The following NOVA2 variants were observed in gnomAD, a reference collection of about 807,000 sequenced individuals.
NOVA2 encodes RNA-binding protein Nova-2.
In NOVA2, 9 loss-of-function variants were observed where a neutral mutation model predicts 22.5. That is an observed-to-expected ratio of 0.40 (90% confidence interval 0.24 to 0.70). NOVA2 has a LOEUF of 0.70. NOVA2 is among the 30% of genes least tolerant of loss of function. The probability of loss-of-function intolerance (pLI) is 0.38; values close to 1 mark genes in which losing one functional copy is unlikely to be tolerated. For synonymous variants in NOVA2, 318 were observed against 335.2 expected (o/e 0.95, Z 0.56); for missense variants, 383 against 682.8 (o/e 0.56, Z 4.89).
intron 2 of NOVA2, 90 bp from the exon 3 acceptor site, chr19:45,954,036 C>T (rs1967966747): frequency 6.9e-7 from 1 of 1,443,018 alleles, no homozygotes; most frequent in South Asian, 1.2e-5. Context: ...AAGAGGCAAG[C>T]TGAGGTCCAG....
rs1968257877 is a variant in NOVA2 at position 45,973,251 on chromosome 19, C to T, written c.85+16G>A. 2 of 1,446,328 alleles carry T rather than the reference C, an allele frequency of 1.4e-6. No homozygotes were observed. Among genetic ancestry groups the T allele is most frequent in the South Asian group, 1.3e-5 (1 of 74,762 alleles). 89.6% of individuals were successfully genotyped at this position (1,446,328 alleles called of 1,614,324 possible). On this transcript the variant is annotated intron_variant, in intron 1 of 3. Coordinates refer to ENST00000263257, the MANE Select transcript of NOVA2 (RefSeq NM_002516.4). ...CCCTGCCCGCTCCCCCGCCCCGAGC[C>T]GCAGCCCTTTCTCACCTCCCGTGTT...
At position 45,940,058 on chromosome 19, in the gene NOVA2, C is replaced by A; in HGVS notation, c.1284G>T (p.Thr428=). 1.2e-6 allele frequency: 2 copies of A among 1,614,084 alleles called. No homozygotes were observed. Among genetic ancestry groups the A allele is most frequent in the Non-Finnish European group, 1.7e-6 (2 of 1,179,982 alleles). Residue 428 remains threonine (T), a synonymous_variant, in exon 4 of 4, where the codon ACG becomes ACT. Coordinates refer to ENST00000263257, the MANE Select transcript of NOVA2 (RefSeq NM_002516.4). The part of the protein sequence containing the change: ...VGAILGKGGK[T]LVEYQELTGA... ...CCGTCAGCTCCTGGTACTCCACCAA[C>A]GTCTTGCCCCCCTTCCCCAGGATGG...
At chr19:45,955,127 A>G (rs1967986093) in intron 2 of NOVA2, among the ~76,000 whole-genome samples, 1 of 152,208 alleles carries the variant, frequency 6.6e-6, no homozygotes, top group South Asian at 2.1e-4. Flanking sequence ...AGAATCTCAC[A>G]AAGTGGGATA....
At chr19:45,943,558 A>T (rs1029426321) in intron 3 of NOVA2, among the ~76,000 whole-genome samples, 1 of 151,808 alleles carries the variant, frequency 6.6e-6, no homozygotes, top group African/African-American at 2.4e-5. Flanking sequence ...TACAAAAAAA[A>T]AATTAAAAAC....
intron 1 of NOVA2, among the ~76,000 whole-genome samples, chr19:45,971,676 G>C (rs1040305151): frequency 6.6e-6 from 1 of 152,102 alleles, no homozygotes; most frequent in Non-Finnish European, 1.5e-5. Flanking sequence ...GCCTGGCGGA[G>C]AGGAAAGGGT....
At chr19:45,969,291 G>A (rs898786721) in intron 1 of NOVA2, among the ~76,000 whole-genome samples, 2 of 152,094 alleles carry the variant, frequency 1.3e-5, no homozygotes, top group Non-Finnish European at 2.9e-5. Flanking sequence ...GATCACCTGA[G>A]ATCAAGAATT....
intron 1 of NOVA2, among the ~76,000 whole-genome samples, chr19:45,964,071 AG>A (rs1291181822): frequency 6.6e-6 from 1 of 152,066 alleles, no homozygotes; most frequent in Non-Finnish European, 1.5e-5. Context: ...AAAGAAAGGG[AG>A]GAGTTAGGCC....
intron 2 of NOVA2, among the ~76,000 whole-genome samples, chr19:45,954,225 G>A (rs558723633): frequency 3.1e-4 from 47 of 152,330 alleles, no homozygotes; most frequent in African/African-American, 9.6e-4. Context: ...GATGCCCACA[G>A]CAGCCCTGGG....
At chr19:45,942,155 A>C (rs539980899) in intron 3 of NOVA2, among the ~76,000 whole-genome samples, 1 of 152,276 alleles carries the variant, frequency 6.6e-6, no homozygotes, top group South Asian at 2.1e-4. Flanking sequence ...CTCTGTTGTT[A>C]TGGGCTGACA....
At position 45,972,689 on chromosome 19, in the gene NOVA2, A is replaced by G. The variant is rs565630303; in HGVS notation, c.85+578T>C. ...CACACATACACACACACGCACACACATACACACCTGTCCTAGCCTCACATT... is the reference window on the plus strand; with the variant it reads ...CACACATACACACACACGCACACACGTACACACCTGTCCTAGCCTCACATT... On this transcript the variant is annotated intron_variant, in intron 1 of 3. Transcript: ENST00000263257. Among the ~76,000 whole-genome samples, 31 of 151,932 alleles carry G rather than the reference A, an allele frequency of 2.0e-4. No homozygotes were observed. The East Asian group carries it at 5.8e-3, about 29-fold the overall frequency.
Position 45,966,414 on chromosome 19 carries a change from T to C in NOVA2, c.86-5261A>G, listed in dbSNP as rs549962100. Among the ~76,000 whole-genome samples the C allele has an allele frequency of 1.1e-3, 162 of 152,300 alleles. 1 individual carries two copies. Among genetic ancestry groups the C allele is most frequent in the African/African-American group, 3.8e-3 (157 of 41,554 alleles). On this transcript the variant is annotated intron_variant, in intron 1 of 3. Transcript: ENST00000263257. ...CTTTAAATTCCTTTTAAATTTTAAA[T>C]GCATTTATTTACTTATTTATTTATT... is the stretch of plus-strand genomic sequence containing the variant.
Position 45,939,789 on chromosome 19 carries a change from A to G in NOVA2, c.*74T>C. On this transcript the variant is annotated 3_prime_UTR_variant, in exon 4 of 4. Transcript: ENST00000263257. ...AGGACTACACCAAGCTGAGGTCAGG[A>G]GTTGGGGGGGAGGAGGAGAGGGAAG... 6.4e-7 allele frequency: 1 copy of G among 1,570,474 alleles called. No homozygotes were observed. Among genetic ancestry groups the G allele is most frequent in the Middle Eastern group, 1.7e-4 (1 of 5,808 alleles).
chr19:45,952,972 G>C (rs530960287), intron 3 of NOVA2, among the ~76,000 whole-genome samples: 1 of 152,240 alleles, frequency 6.6e-6, no homozygotes, highest in Non-Finnish European at 1.5e-5. Flanking sequence ...CCCTCGCAAG[G>C]GGCCCTCCCG....
intron 3 of NOVA2, 34 bp downstream of exon 3, chr19:45,953,746 G>T: frequency 6.2e-7 from 1 of 1,613,188 alleles, no homozygotes. Context: ...AATGTCAACA[G>T]CTTTACAGCA....
chr19:45,940,667 G>A lies in NOVA2; in HGVS notation c.675C>T (p.Asn225=). Residue 225 remains asparagine (N), a synonymous_variant, in exon 4 of 4, where the codon AAC becomes AAT. Coordinates refer to ENST00000263257, the MANE Select transcript of NOVA2 (RefSeq NM_002516.4). ...GGCTGGCGTACGGAGAGCCGGTGGG[G>A]TTGGAGTTGGCCACGGGGCCTGCCA... ...ANVAGPVANS[N]PTGSPYASPA... The A allele has an allele frequency of 6.3e-7, 1 of 1,593,626 alleles. No homozygotes were observed. The highest frequency in any genetic ancestry group is 8.5e-7 in the Non-Finnish European group (1 of 1,172,158).
intron 1 of NOVA2, chr19:45,968,061 C>T (rs1968188944): frequency 6.6e-6 from 1 of 152,084 alleles, no homozygotes; most frequent in Non-Finnish European, 1.5e-5. Context: ...TCAGAGAGTT[C>T]ACCCTCTAAG....
chr19:45,971,320 GT>G (rs373955274), intron 1 of NOVA2, among the ~76,000 whole-genome samples: 1 of 152,242 alleles, frequency 6.6e-6, no homozygotes, highest in African/African-American at 2.4e-5. Flanking sequence ...GAGGACGGTG[GT>G]GGAGGGCTAG....
At chr19:45,949,739 GTTTT>G (rs558656536) in intron 3 of NOVA2, among the ~76,000 whole-genome samples, 2 of 119,616 alleles carry the variant, frequency 1.7e-5, no homozygotes, top group African/African-American at 3.1e-5. Context: ...ATCGTAGGTT[GTTTT>G]TTTTTTTTTT....
At chr19:45,952,389 AAAC>A (rs1967939691) in intron 3 of NOVA2, among the ~76,000 whole-genome samples, 1 of 152,202 alleles carries the variant, frequency 6.6e-6, no homozygotes, top group Non-Finnish European at 1.5e-5. Flanking sequence ...GGATTCAACT[AAAC>A]AACAGAGCCC....
Sources: gnomAD v4.1 joint callset for allele counts (sites outside exome capture counted in the v4.1 genomes callset) on GRCh38, gnomAD v4.1.1 for gene constraint, MANE v1.5 for transcripts, NCBI Gene and HGNC (gene_info 2026-07-23, HGNC 2026-07-21) for gene names.